The following P3H2 variants were observed in gnomAD, a reference collection of about 807,000 sequenced individuals.
P3H2 encodes the protein prolyl 3-hydroxylase 2.
In P3H2, 80 loss-of-function variants were observed where a neutral mutation model predicts 87.0. The ratio of observed to expected loss-of-function variants is 0.92; its 90% CI spans 0.77 to 1.11. P3H2 has a LOEUF of 1.11. P3H2 is among the 50% of genes least tolerant of loss of function. The pLI is 0.00. For synonymous variants in P3H2, 367 were observed against 359.3 expected (o/e 1.02, Z -0.24); for missense variants, 1,001 against 923.9 (o/e 1.08, Z -1.08).
chr3:190,041,070 A>C (rs1725604016), intron 1 of P3H2, among the ~76,000 whole-genome samples: 1 of 46,776 alleles, frequency 2.1e-5, no homozygotes. Context: ...ACACACACAC[A>C]CACACACACA....
chr3:190,092,061 C>T (rs1727424759), intron 1 of P3H2, among the ~76,000 whole-genome samples: 1 of 151,974 alleles, frequency 6.6e-6, no homozygotes, highest in African/African-American at 2.4e-5. Context: ...GGTGAAACCC[C>T]GTCTCCACTA....
At position 190,040,217 on chromosome 3, in the gene P3H2, T is replaced by G. The variant is rs182949397; in HGVS notation, c.481-44775A>C. On this transcript the variant is annotated intron_variant, in intron 1 of 14. Coordinates refer to ENST00000319332, the MANE Select transcript of P3H2 (RefSeq NM_018192.4). ...CAGAACAACTGCACATTTGGCTGCA[T>G]AGATTCCAGGGGAGATTTGAAAAAC... 1.6e-3 allele frequency among the ~76,000 whole-genome samples: 240 copies of G among 152,308 alleles called. 1 individual carries two copies. Among genetic ancestry groups the G allele is most frequent in the African/African-American group, 5.4e-3 (224 of 41,572 alleles).
chr3:190,044,953 T>C (rs1449494423), intron 1 of P3H2, among the ~76,000 whole-genome samples: 1 of 152,176 alleles, frequency 6.6e-6, no homozygotes, highest in Non-Finnish European at 1.5e-5. Context: ...AATTGGATGG[T>C]AGGATACAGT....
At chr3:190,057,969 CT>C (rs1212425602) in intron 1 of P3H2, among the ~76,000 whole-genome samples, 3 of 151,972 alleles carry the variant, frequency 2.0e-5, no homozygotes, top group Admixed American at 6.6e-5. Context: ...GAAAAAAAAT[CT>C]GGGTCTATTT....
chr3:190,113,853 G>A (rs768032079), intron 1 of P3H2, among the ~76,000 whole-genome samples: 3 of 152,194 alleles, frequency 2.0e-5, no homozygotes, highest in African/African-American at 4.8e-5. Context: ...CGAGGCGGGC[G>A]GATCACGAGG....
chr3:190,113,201 G>C (rs1477219304), intron 1 of P3H2, among the ~76,000 whole-genome samples: 1 of 152,210 alleles, frequency 6.6e-6, no homozygotes, highest in Non-Finnish European at 1.5e-5. Flanking sequence ...TAGGAGACTG[G>C]AAGTGAGAAA....
At chr3:190,005,482 T>C (rs1057025846) in intron 1 of P3H2, among the ~76,000 whole-genome samples, 3 of 152,226 alleles carry the variant, frequency 2.0e-5, no homozygotes, top group Non-Finnish European at 2.9e-5. Flanking sequence ...AATGTACAAA[T>C]AAATTCTGTC....
chr3:190,075,827 T>G (rs1726854957), intron 1 of P3H2, among the ~76,000 whole-genome samples: 1 of 152,212 alleles, frequency 6.6e-6, no homozygotes, highest in Non-Finnish European at 1.5e-5. Context: ...ATGAAGACAG[T>G]CACATCTGTG....
chr3:190,048,330 T>C (rs920426150), intron 1 of P3H2, among the ~76,000 whole-genome samples: 1 of 152,024 alleles, frequency 6.6e-6, no homozygotes, highest in African/African-American at 2.4e-5. Flanking sequence ...ACCCCATCTC[T>C]ACTAAAAAAT....
At chr3:190,023,597 C>G (rs1180456767) in intron 1 of P3H2, among the ~76,000 whole-genome samples, 1 of 152,190 alleles carries the variant, frequency 6.6e-6, no homozygotes, top group Non-Finnish European at 1.5e-5. Context: ...ACTCAATTAC[C>G]TCCACCTGGT....
intron 1 of P3H2, among the ~76,000 whole-genome samples, chr3:190,101,967 G>A (rs1319931481): frequency 2.0e-5 from 3 of 152,170 alleles, no homozygotes; most frequent in African/African-American, 4.8e-5. Flanking sequence ...TAAGAATTAT[G>A]ATAAATCTAC....
chr3:190,044,038 A>T (rs189891719), intron 1 of P3H2, among the ~76,000 whole-genome samples: 314 of 152,352 alleles, frequency 2.1e-3, no homozygotes, highest in Middle Eastern at 6.8e-3. Flanking sequence ...GAAGTATAAA[A>T]TGAAAGAGAG....
chr3:190,035,948 T>C (rs1725405529), intron 1 of P3H2, among the ~76,000 whole-genome samples: 1 of 152,216 alleles, frequency 6.6e-6, no homozygotes, highest in Non-Finnish European at 1.5e-5. Flanking sequence ...GTTTAAATTC[T>C]ACACAGTAAG....
chr3:189,987,068 CATAA>C (rs1341984650), intron 5 of P3H2, among the ~76,000 whole-genome samples, 191 bp from the exon 6 acceptor site: 1 of 152,188 alleles, frequency 6.6e-6, no homozygotes, highest in African/African-American at 2.4e-5. Context: ...GTGCTTCAGG[CATAA>C]ATAAAGTTTG....
chr3:190,080,857 C>T (rs1727021305), intron 1 of P3H2, among the ~76,000 whole-genome samples: 1 of 152,188 alleles, frequency 6.6e-6, no homozygotes, highest in Non-Finnish European at 1.5e-5. Flanking sequence ...TTTCCCATCT[C>T]TTGAATTCAC....
intron 14 of P3H2, among the ~76,000 whole-genome samples, chr3:189,962,959 A>G (rs1383866413): frequency 6.6e-6 from 1 of 152,248 alleles, no homozygotes; most frequent in Non-Finnish European, 1.5e-5. Flanking sequence ...CATCCAGTTA[A>G]GCCTCTGCTA....
At chr3:190,113,935 C>G (rs973631410) in intron 1 of P3H2, among the ~76,000 whole-genome samples, 101 of 146,056 alleles carry the variant, frequency 6.9e-4, no homozygotes, top group Admixed American at 8.8e-4. Context: ...AAGAAATTAG[C>G]CGGGCGTGGA....
intron 1 of P3H2, among the ~76,000 whole-genome samples, chr3:190,018,430 A>G (rs555691584): frequency 3.9e-5 from 6 of 152,296 alleles, no homozygotes; most frequent in Non-Finnish European, 5.9e-5. Flanking sequence ...TAAGTAGGCC[A>G]GGTGTAGTGG....
chr3:190,024,813 C>A (rs138262300), intron 1 of P3H2, among the ~76,000 whole-genome samples: 85 of 152,082 alleles, frequency 5.6e-4, no homozygotes, highest in Non-Finnish European at 1.0e-3. Flanking sequence ...AGAAAACACA[C>A]AGAATTACAT....
Sources: allele counts gnomAD v4.1 joint callset (sites outside exome capture counted in the v4.1 genomes callset), GRCh38; gene constraint gnomAD v4.1.1; transcripts MANE v1.5; gene names NCBI Gene and HGNC (gene_info 2026-07-23, HGNC 2026-07-21).